Variants in SHROOM2 observed in about 807,000 individuals in gnomAD.
SHROOM2 encodes protein Shroom2.
SHROOM2 carries 33 observed loss-of-function variants against 75.9 expected under a neutral mutation model. The ratio of observed to expected loss-of-function variants is 0.43; its 90% CI spans 0.33 to 0.58. The LOEUF (loss-of-function observed/expected upper bound fraction) is 0.58, where lower values mean the gene tolerates loss of function less well. Among genes scored for constraint, SHROOM2 ranks in the 20% least tolerant of loss-of-function variants. SHROOM2 has a pLI of 0.04. For missense variants in SHROOM2, 1,434 were observed against 1,461.2 expected, an observed-to-expected ratio of 0.98 and a Z score of 0.30; for synonymous variants, 655 against 663.6, an observed-to-expected ratio of 0.99 and a Z score of 0.20.
In SHROOM2 at chrX:9,786,962, A is replaced by G. The variant is rs1197133864; in HGVS notation, c.165+252A>G. ...TCCCCTCCCCCTCCCTCCTCCGGGC[A>G]GGGGCCTGGCCGGGTCCTCTGGCGC... On this transcript the variant is annotated intron_variant, in intron 1 of 9. Coordinates refer to ENST00000380913, the MANE Select transcript of SHROOM2 (RefSeq NM_001649.4). Among the ~76,000 whole-genome samples the G allele has an allele frequency of 4.5e-5, 5 of 110,886 alleles. No individual in the cohort carries two copies. The East Asian group carries it at 1.4e-3, about 32-fold the overall frequency.
chrX:9,911,770 A>C (rs376334781), intron 5 of SHROOM2, among the ~76,000 whole-genome samples: 2 of 111,721 alleles, frequency 1.8e-5, no homozygotes, highest in South Asian at 7.6e-4. Flanking sequence ...ATTCCTAATG[A>C]GTGTGTAATC....
intron 1 of SHROOM2, among the ~76,000 whole-genome samples, chrX:9,801,327 T>C (rs1408903739): frequency 8.9e-6 from 1 of 111,789 alleles, no homozygotes; most frequent in Non-Finnish European, 1.9e-5. Context: ...GAGATTTGGG[T>C]GGGGACACAA....
intron 1 of SHROOM2, among the ~76,000 whole-genome samples, chrX:9,866,505 C>T (rs1248618461): frequency 1.8e-5 from 2 of 110,537 alleles, no homozygotes; most frequent in African/African-American, 3.3e-5. Context: ...GAAAACCCTG[C>T]GGCAGGTGAC....
chrX:9,803,383 T>G (rs1302742400), intron 1 of SHROOM2, among the ~76,000 whole-genome samples: 1 of 112,217 alleles, frequency 8.9e-6, no homozygotes, highest in African/African-American at 3.2e-5. Flanking sequence ...TTTAGATTTT[T>G]TTTTCTAAAA....
Position 9,940,382 on chromosome X carries a change from G to A in SHROOM2, c.4311+1016G>A, listed in dbSNP as rs375438188. On this transcript the variant is annotated intron_variant, in intron 8 of 9. Coordinates refer to ENST00000380913, the MANE Select transcript of SHROOM2 (RefSeq NM_001649.4). ...ATATAATGAATTTCAGAAGCGGCAT[G>A]CCTTGATTCTGCCGCCCTCATCTGT... Among the ~76,000 whole-genome samples, 254 of 111,865 alleles carry A rather than the reference G, an allele frequency of 2.3e-3. 1 individual carries two copies. Among genetic ancestry groups the A allele is most frequent in the African/African-American group, 7.8e-3 (240 of 30,768 alleles).
intron 2 of SHROOM2, among the ~76,000 whole-genome samples, chrX:9,879,760 T>G (rs1235014088): frequency 9.7e-6 from 1 of 102,833 alleles, no homozygotes; most frequent in Non-Finnish European, 2.0e-5. Flanking sequence ...TAGCTTATTT[T>G]TGTGTTGTTT....
Position 9,932,399 on chromosome X carries a change from C to T in SHROOM2, c.3116C>T (p.Ser1039Leu). The change falls in exon 6 of 10, where the codon TCA (serine) becomes TTA (leucine). Residue 1039 changes from serine to leucine, a missense_variant. Physicochemically the swap from Ser to Leu is moderately radical, Grantham distance 145. Around this residue, in one of 3 missense-constraint regions of SHROOM2, gnomAD observed 1,340 missense variants for 1,338.3 expected, o/e 1.00. Transcript: ENST00000380913. ...DLGPRAQSPG[S>L]PLHARGQDSW... ...GGACCCCGAGCCCAGAGCCCTGGCTCACCCCTGCATGCTCGAGGACAAGAC... is the reference window on the plus strand; with the variant it reads ...GGACCCCGAGCCCAGAGCCCTGGCTTACCCCTGCATGCTCGAGGACAAGAC... The T allele has an allele frequency of 1.7e-6, 2 of 1,208,919 alleles. No individual in the cohort carries two copies. Among genetic ancestry groups the T allele is most frequent in the Non-Finnish European group, 1.1e-6 (1 of 893,897 alleles).
chrX:9,830,056 C>CT (rs1178010734), intron 1 of SHROOM2, among the ~76,000 whole-genome samples: 2 of 111,649 alleles, frequency 1.8e-5, no homozygotes, highest in Non-Finnish European at 3.8e-5. Context: ...GTCTCCCTCT[C>CT]TCACACACAG....
At chrX:9,887,681 A>G (rs2084268347) in intron 2 of SHROOM2, among the ~76,000 whole-genome samples, 1 of 112,165 alleles carries the variant, frequency 8.9e-6, no homozygotes, top group East Asian at 2.8e-4. Flanking sequence ...AGGGCTGGCT[A>G]TTTCAAGATT....
chrX:9,824,942 G>A (rs896668157), intron 1 of SHROOM2, among the ~76,000 whole-genome samples: 8 of 111,567 alleles, frequency 7.2e-5, no homozygotes, highest in Admixed American at 4.8e-4. Context: ...CCCCCATCTC[G>A]AGATGGCCTC....
At chrX:9,877,608 G>A (rs1422658747) in intron 2 of SHROOM2, among the ~76,000 whole-genome samples, 2 of 111,882 alleles carry the variant, frequency 1.8e-5, no homozygotes, top group African/African-American at 6.5e-5. Flanking sequence ...CACCCCTGGA[G>A]AGTCCTGGGC....
chrX:9,787,992 C>T (rs868606000), intron 1 of SHROOM2, among the ~76,000 whole-genome samples: 4 of 84,219 alleles, frequency 4.7e-5, no homozygotes, highest in Non-Finnish European at 4.9e-5. Flanking sequence ...TTTCTTTCTT[C>T]TTTTTTTTTT....
chrX:9,871,243 G>A (rs1207163647), intron 1 of SHROOM2, among the ~76,000 whole-genome samples: 1 of 112,138 alleles, frequency 8.9e-6, no homozygotes, highest in Admixed American at 9.5e-5. Flanking sequence ...CAACACTTAG[G>A]CTTTCTAGCA....
intron 1 of SHROOM2, among the ~76,000 whole-genome samples, chrX:9,805,343 T>A (rs2083745599): frequency 8.8e-6 from 1 of 113,093 alleles, no homozygotes; most frequent in Non-Finnish European, 1.9e-5. Flanking sequence ...TCACAGTGGT[T>A]CTGTGGGGTA....
chrX:9,945,169 G>A (rs990279999), intron 9 of SHROOM2, among the ~76,000 whole-genome samples: 14 of 111,133 alleles, frequency 1.3e-4, no homozygotes, highest in African/African-American at 4.6e-4. Flanking sequence ...GTGCAGTGGT[G>A]CGATCTCGGC....
At chrX:9,877,372 G>C (rs995545543) in intron 2 of SHROOM2, among the ~76,000 whole-genome samples, 4 of 111,405 alleles carry the variant, frequency 3.6e-5, no homozygotes, top group Non-Finnish European at 7.5e-5. Flanking sequence ...GAGATGTCAG[G>C]GGAGGGGTGC....
intron 8 of SHROOM2, among the ~76,000 whole-genome samples, chrX:9,942,830 C>A (rs1223599870): frequency 9.0e-6 from 1 of 111,066 alleles, no homozygotes; most frequent in African/African-American, 3.3e-5. Context: ...CCTAACAGAC[C>A]GAGGAGAAAG....
At chrX:9,930,761 G>A (rs1454144097) in intron 5 of SHROOM2, among the ~76,000 whole-genome samples, 1 of 109,643 alleles carries the variant, frequency 9.1e-6, no homozygotes, top group Non-Finnish European at 1.9e-5. Context: ...TTGTTTTTTT[G>A]AGACGGAGTC....
intron 1 of SHROOM2, among the ~76,000 whole-genome samples, chrX:9,848,497 C>T (rs2084018765): frequency 2.0e-5 from 1 of 50,493 alleles, no homozygotes; most frequent in Non-Finnish European, 3.7e-5. Flanking sequence ...GGCGACAGAG[C>T]GAGACTCCGT....
Sources: gnomAD v4.1 joint callset for allele counts (sites outside exome capture counted in the v4.1 genomes callset) on GRCh38, gnomAD v4.1.1 for gene constraint, gnomAD v4.1.1 regional missense constraint, MANE v1.5 for transcripts, NCBI Gene and HGNC (gene_info 2026-07-23, HGNC 2026-07-21) for gene names.